TTC23L: variants seen among roughly 807,000 people sequenced by gnomAD.
TTC23L encodes the protein tetratricopeptide repeat domain 23 like.
TTC23L carries 42 observed loss-of-function variants against 48.1 expected under a neutral mutation model. That is an observed-to-expected ratio of 0.87 (90% confidence interval 0.68 to 1.13). The LOEUF (loss-of-function observed/expected upper bound fraction) is 1.13. Ranked by LOEUF, TTC23L falls within the 50% of genes most tolerant of loss-of-function variation. The pLI is 0.00. For synonymous variants in TTC23L, 159 were observed against 157.2 expected (o/e 1.01, Z -0.09); for missense variants, 391 against 421.0 (o/e 0.93, Z 0.62).
the TTC23L span, chr5:34,924,855 A>G: frequency 6.2e-7 from 1 of 1,601,128 alleles, no homozygotes. Flanking sequence ...AGATCATAGA[A>G]GAAGATGCTG....
intron 10 of TTC23L, among the ~76,000 whole-genome samples, chr5:34,898,078 GTGT>G (rs2111878218): frequency 6.6e-6 from 1 of 152,286 alleles, no homozygotes. Flanking sequence ...ACCTATCTCA[GTGT>G]TGTTGTGAGA....
the TTC23L span, among the ~76,000 whole-genome samples, chr5:34,911,087 T>C: frequency 6.6e-6 from 1 of 152,352 alleles, no homozygotes; most frequent in Non-Finnish European, 1.5e-5. Flanking sequence ...TAAGCTGTTC[T>C]TCCCACAATG....
At chr5:34,855,994 T>G (rs905720231) in intron 4 of TTC23L, among the ~76,000 whole-genome samples, 3 of 152,200 alleles carry the variant, frequency 2.0e-5, no homozygotes, top group Admixed American at 1.3e-4. Flanking sequence ...TCAAAAATGA[T>G]TATTAAAAGA....
chr5:34,859,504 G>A (rs1032070793), intron 4 of TTC23L, among the ~76,000 whole-genome samples: 1 of 152,148 alleles, frequency 6.6e-6, no homozygotes, highest in African/African-American at 2.4e-5. Context: ...GCATCAAGAG[G>A]TGGGGCCTTT....
intron 9 of TTC23L, among the ~76,000 whole-genome samples, chr5:34,890,441 CAAAA>C (rs57798773): frequency 1.4e-4 from 8 of 56,670 alleles, no homozygotes; most frequent in Admixed American, 1.1e-3. Context: ...GACCCTGTCT[CAAAA>C]AAAAAAAAAA....
At chr5:34,913,539 C>G in the TTC23L span, 6 of 1,603,408 alleles carry the variant, frequency 3.7e-6, no homozygotes, top group Non-Finnish European at 5.1e-6. Context: ...CGAAAAGTAA[C>G]AGACTCTTCC....
At chr5:34,839,619 T>C (rs1235098353) in intron 1 of TTC23L, 1 of 985,148 alleles carries the variant, frequency 1.0e-6, no homozygotes, top group Non-Finnish European at 1.2e-6. Flanking sequence ...GACTCTCCCT[T>C]TCTGATTTTC....
At chr5:34,916,049 A>G in the TTC23L span, 16 of 904,968 alleles carry the variant, frequency 1.8e-5, no homozygotes, top group South Asian at 3.2e-4. Context: ...CAGACTGGGC[A>G]CGGAGTTTGC....
the TTC23L span, chr5:34,923,076 C>T: frequency 6.4e-6 from 10 of 1,573,254 alleles, no homozygotes; most frequent in Non-Finnish European, 7.9e-6. Flanking sequence ...AATTAGCTAT[C>T]CAAAATATAC....
chr5:34,904,131 TA>T (rs568744710), downstream of TTC23L, among the ~76,000 whole-genome samples: 150 of 146,826 alleles, frequency 1.0e-3, 1 homozygote, highest in East Asian at 0.015. Context: ...CCTGGCTAAT[TA>T]AAAAAAAAAA....
At chr5:34,869,000 G>A in exon 8 of TTC23L, 1 of 1,607,002 alleles carries the variant, frequency 6.2e-7, no homozygotes, top group South Asian at 1.1e-5. Context: ...TGTCTGGAGA[G>A]GCCCAGCACA....
downstream of TTC23L, among the ~76,000 whole-genome samples, chr5:34,902,673 T>A (rs1430763084): frequency 6.6e-6 from 1 of 152,162 alleles, no homozygotes; most frequent in Non-Finnish European, 1.5e-5. Context: ...CACTGACTGG[T>A]AGGCCTTCTC....
At chr5:34,914,659 T>C in the TTC23L span, 4 of 1,597,954 alleles carry the variant, frequency 2.5e-6, no homozygotes, top group African/African-American at 1.3e-5. Flanking sequence ...ATTTAGAGTA[T>C]CTATGGCACA....
intron 9 of TTC23L, among the ~76,000 whole-genome samples, chr5:34,883,822 A>C (rs538779057): frequency 2.6e-5 from 4 of 152,342 alleles, no homozygotes; most frequent in Admixed American, 2.0e-4. Flanking sequence ...AATTCTACCA[A>C]ACATTTAAAG....
At chr5:34,903,847 A>G (rs1763567933), downstream of TTC23L, among the ~76,000 whole-genome samples, 1 of 152,200 alleles carries the variant, frequency 6.6e-6, no homozygotes, top group Non-Finnish European at 1.5e-5. Flanking sequence ...AAGCACTGAC[A>G]TTTTTGAGGT....
intron 9 of TTC23L, among the ~76,000 whole-genome samples, chr5:34,895,880 G>A (rs1416808412): frequency 6.6e-6 from 1 of 152,200 alleles, no homozygotes; most frequent in East Asian, 1.9e-4. Flanking sequence ...GTTGTTTCCA[G>A]GCTGCTGCAT....
Position 34,864,569 on chromosome 5 carries a change from T to G in TTC23L, c.662+7T>G, listed in dbSNP as rs1328241618. ...TAACACTTGCTTTGGGCAGGTAAGA[T>G]CTGGGCTTGGAGAAGCTGAGGCTTT... On this transcript the variant is annotated splice_region_variant and intron_variant, in intron 6 of 10. Transcript: ENST00000505624. 1 of 1,610,216 alleles carries G rather than the reference T, an allele frequency of 6.2e-7. No homozygotes were observed. The highest frequency in any genetic ancestry group is 1.1e-5 in the South Asian group (1 of 90,398).
At chr5:34,923,708 AT>A in the TTC23L span, among the ~76,000 whole-genome samples, 3 of 152,280 alleles carry the variant, frequency 2.0e-5, no homozygotes, top group Admixed American at 6.5e-5. Context: ...TGCCTGGTCA[AT>A]TTTTAGTTAA....
At chr5:34,909,823 T>C in the TTC23L span, among the ~76,000 whole-genome samples, 3 of 152,232 alleles carry the variant, frequency 2.0e-5, no homozygotes, top group Non-Finnish European at 2.9e-5. Context: ...AAGTTATTTG[T>C]AGACAATTTA....
Sources: gnomAD v4.1 joint callset for allele counts (sites outside exome capture counted in the v4.1 genomes callset) on GRCh38, gnomAD v4.1.1 for gene constraint, MANE v1.5 for transcripts, NCBI Gene and HGNC (gene_info 2026-07-23, HGNC 2026-07-21) for gene names.